EYS: variants seen among roughly 807,000 people sequenced by gnomAD.
EYS encodes protein eyes shut homolog.
EYS carries 250 observed loss-of-function variants against 282.1 expected under a neutral mutation model. That is an observed-to-expected ratio of 0.89 (90% CI 0.80 to 0.98). The LOEUF is 0.98. EYS is among the 50% of genes least tolerant of loss of function. The probability of loss-of-function intolerance (pLI) is 0.00; values close to 1 mark genes in which losing one functional copy is unlikely to be tolerated. For synonymous variants in EYS, 1,355 were observed against 1,282.9 expected, an observed-to-expected ratio of 1.06 and a Z score of -1.20; for missense variants, 4,016 against 3,709.0, an observed-to-expected ratio of 1.08 and a Z score of -2.15.
At chr6:64,926,069 C>A (rs1245123182) in intron 15 of EYS, among the ~76,000 whole-genome samples, 2 of 152,156 alleles carry the variant, frequency 1.3e-5, no homozygotes, top group African/African-American at 4.8e-5. Flanking sequence ...CTCCTATAGT[C>A]TGACTCTGGC....
At chr6:65,075,325 C>T (rs1774016829) in intron 12 of EYS, among the ~76,000 whole-genome samples, 1 of 151,910 alleles carries the variant, frequency 6.6e-6, no homozygotes, top group African/African-American at 2.4e-5. Context: ...TTAATATTGC[C>T]AACAGCTTAA....
At chr6:64,294,070 A>G (rs1447352298) in intron 30 of EYS, among the ~76,000 whole-genome samples, 1 of 133,530 alleles carries the variant, frequency 7.5e-6, no homozygotes, top group African/African-American at 2.8e-5. Flanking sequence ...AAATAGAGAT[A>G]GAAAATGCTA....
chr6:65,367,648 T>G (rs1233737545), intron 8 of EYS, among the ~76,000 whole-genome samples: 5 of 151,706 alleles, frequency 3.3e-5, no homozygotes, highest in Non-Finnish European at 7.4e-5. Flanking sequence ...AGATACAAGA[T>G]AAGCTTGCAA....
chr6:63,909,111 G>A (rs552387553), intron 35 of EYS, among the ~76,000 whole-genome samples: 52 of 152,168 alleles, frequency 3.4e-4, no homozygotes, highest in Non-Finnish European at 5.9e-4. Flanking sequence ...ATGCATATGC[G>A]AAGATGAGAA....
At chr6:65,524,788 C>T (rs993878285) in intron 2 of EYS, among the ~76,000 whole-genome samples, 1 of 152,206 alleles carries the variant, frequency 6.6e-6, no homozygotes, top group Non-Finnish European at 1.5e-5. Context: ...GTAGGGAATA[C>T]AAATCCACAT....
At chr6:63,757,864 A>C (rs1313053544) in intron 41 of EYS, among the ~76,000 whole-genome samples, 3 of 152,070 alleles carry the variant, frequency 2.0e-5, no homozygotes, top group Non-Finnish European at 2.9e-5. Context: ...AAAATTTAAC[A>C]ATTTGCTATT....
intron 12 of EYS, among the ~76,000 whole-genome samples, chr6:65,151,535 T>A (rs920216152): frequency 6.6e-6 from 1 of 151,940 alleles, no homozygotes; most frequent in Non-Finnish European, 1.5e-5. Flanking sequence ...TGAAGAAAAT[T>A]GCATGCAGAA....
intron 2 of EYS, among the ~76,000 whole-genome samples, chr6:65,632,140 G>T (rs1204763114): frequency 6.6e-6 from 1 of 152,120 alleles, no homozygotes; most frequent in African/African-American, 2.4e-5. Context: ...TCTATGGACA[G>T]AACCAATAAA....
chr6:64,593,573 A>G (rs1410301272), intron 24 of EYS, among the ~76,000 whole-genome samples: 20 of 152,088 alleles, frequency 1.3e-4, no homozygotes, highest in Admixed American at 1.3e-3. Flanking sequence ...TACTATTTTT[A>G]CTTTTGAGAA....
At chr6:63,789,469 T>C (rs994222623) in intron 37 of EYS, among the ~76,000 whole-genome samples, 5 of 152,160 alleles carry the variant, frequency 3.3e-5, no homozygotes, top group African/African-American at 9.7e-5. Context: ...GAATGATCAA[T>C]GATCAACTAA....
intron 1 of EYS, among the ~76,000 whole-genome samples, chr6:65,649,160 G>T (rs1469454022): frequency 2.0e-5 from 3 of 146,516 alleles, no homozygotes; most frequent in Non-Finnish European, 3.0e-5. Context: ...AAAAAAAAAG[G>T]AAAAAAGAAA....
chr6:63,951,870 C>A (rs1027794896), intron 35 of EYS, among the ~76,000 whole-genome samples: 45 of 152,118 alleles, frequency 3.0e-4, no homozygotes, highest in Non-Finnish European at 5.0e-4. Context: ...TGGTAGCAAC[C>A]CTGAGATGCT....
chr6:64,174,287 A>G (rs576788039), intron 31 of EYS, among the ~76,000 whole-genome samples: 1 of 152,244 alleles, frequency 6.6e-6, no homozygotes, highest in Non-Finnish European at 1.5e-5. Context: ...ATTTTTGCTT[A>G]ATTTCTAGGC....
chr6:64,241,951 G>A (rs1234922802), intron 30 of EYS, among the ~76,000 whole-genome samples: 2 of 151,744 alleles, frequency 1.3e-5, no homozygotes, highest in South Asian at 4.2e-4. Context: ...GCAGTTTGTC[G>A]GTTTCTATGT....
intron 12 of EYS, among the ~76,000 whole-genome samples, chr6:65,255,633 G>C (rs1767440024): frequency 6.6e-6 from 1 of 151,920 alleles, no homozygotes; most frequent in African/African-American, 2.4e-5. Context: ...TTAATATCCA[G>C]AATATATAAG....
intron 1 of EYS, among the ~76,000 whole-genome samples, chr6:65,684,136 T>A (rs1308652557): frequency 6.6e-6 from 1 of 151,988 alleles, no homozygotes; most frequent in South Asian, 2.1e-4. Flanking sequence ...AGATGTAACA[T>A]GATAACAATA....
intron 12 of EYS, among the ~76,000 whole-genome samples, chr6:65,082,208 A>C (rs1774247431): frequency 6.6e-6 from 1 of 152,054 alleles, no homozygotes; most frequent in Non-Finnish European, 1.5e-5. Flanking sequence ...AAGCATAGTT[A>C]ATAATAAAAT....
intron 19 of EYS, among the ~76,000 whole-genome samples, chr6:64,850,159 G>A (rs576528479): frequency 1.3e-5 from 2 of 152,008 alleles, no homozygotes; most frequent in African/African-American, 2.4e-5. Flanking sequence ...CATAAACAGC[G>A]AAATTACTAA....
chr6:63,813,135 T>A (rs540791624), intron 36 of EYS, among the ~76,000 whole-genome samples: 6 of 151,996 alleles, frequency 3.9e-5, no homozygotes, highest in Admixed American at 6.6e-5. Flanking sequence ...TCCGCCACCA[T>A]GCCTGGCTAA....
Sources: gnomAD v4.1 joint callset for allele counts (sites outside exome capture counted in the v4.1 genomes callset) on GRCh38, gnomAD v4.1.1 for gene constraint, MANE v1.5 for transcripts, NCBI Gene and HGNC (gene_info 2026-07-23, HGNC 2026-07-21) for gene names.